Variants in PCDHGA2 observed in about 807,000 individuals in gnomAD.
PCDHGA2 encodes the protein protocadherin gamma-A2.
In PCDHGA2, 40 loss-of-function variants were observed where a neutral mutation model predicts 59.2. That is an observed-to-expected ratio of 0.68 (90% confidence interval 0.52 to 0.88). The LOEUF (loss-of-function observed/expected upper bound fraction) is 0.88, where lower values mean the gene tolerates loss of function less well. Ranked by LOEUF, PCDHGA2 falls within the 40% of genes least tolerant of loss-of-function variation. The pLI, the probability that PCDHGA2 is intolerant of heterozygous loss-of-function variation, is 0.00. For missense variants in PCDHGA2, 1,226 were observed against 1,204.0 expected (o/e 1.02, Z -0.27); for synonymous variants, 560 against 526.0 (o/e 1.06, Z -0.89).
At chr5:141,472,022 T>C (rs949257396) in intron 1 of PCDHGA2, among the ~76,000 whole-genome samples, 1 of 152,176 alleles carries the variant, frequency 6.6e-6, no homozygotes, top group Non-Finnish European at 1.5e-5. Flanking sequence ...CTATATTGTA[T>C]GTAGAAAGCT....
intron 1 of PCDHGA2, chr5:141,399,485 A>G (rs760899297): frequency 4.7e-5 from 76 of 1,613,904 alleles, no homozygotes; most frequent in Non-Finnish European, 6.1e-5. Context: ...CAGGCGTCCT[A>G]CTTAGTCAGT....
intron 1 of PCDHGA2, among the ~76,000 whole-genome samples, chr5:141,455,290 T>C (rs551962783): frequency 5.3e-5 from 8 of 152,206 alleles, no homozygotes; most frequent in East Asian, 1.9e-4. Flanking sequence ...TCACTTTACA[T>C]AGTTTCATCT....
At chr5:141,408,051 C>A in intron 1 of PCDHGA2, 3 of 1,264,368 alleles carry the variant, frequency 2.4e-6, no homozygotes, top group Non-Finnish European at 3.2e-6. Context: ...CCACACAGAG[C>A]CTCCCGGCTG....
rs147674746 is a variant in PCDHGA2, at chr5:141,477,348, C to G, written c.2425-17459C>G. 7 of 1,614,180 alleles carry G rather than the reference C, an allele frequency of 4.3e-6. No individual in the cohort carries two copies. Among genetic ancestry groups the G allele is most frequent in the Non-Finnish European group, 5.9e-6 (7 of 1,180,030 alleles). ...CTCAAGAATTACTTCACTTTGAAAA[C>G]CAGTGCAGACCTGGATCGGGAGACT... is the stretch of plus-strand genomic sequence containing the variant. On this transcript the variant is annotated intron_variant, in intron 1 of 3. Transcript: ENST00000394576. The surrounding 1 kb of genome is among the most constrained non-coding windows in gnomAD (Gnocchi z 4.9).
Position 141,340,351 on chromosome 5 carries a change from C to T in PCDHGA2, c.1380C>T (p.Tyr460=). The part of the protein sequence containing the change: ...PAFSRTSYST[Y]IPENNPRGAS... ...TCTCCCGCACATCCTACTCCACCTACATTCCCGAAAACAACCCCAGAGGAG... is the reference window on the plus strand; with the variant it reads ...TCTCCCGCACATCCTACTCCACCTATATTCCCGAAAACAACCCCAGAGGAG... The change falls in exon 1 of 4, where the codon TAC becomes TAT. Residue 460 remains tyrosine (Y), a synonymous_variant. Coordinates refer to ENST00000394576, the MANE Select transcript of PCDHGA2 (RefSeq NM_018915.4). 1.2e-6 allele frequency: 2 copies of T among 1,614,212 alleles called. No homozygotes were observed. The highest frequency in any genetic ancestry group is 1.1e-5 in the South Asian group (1 of 91,088).
intron 1 of PCDHGA2, chr5:141,419,381 A>T (rs1170271990): frequency 6.2e-7 from 1 of 1,613,544 alleles, no homozygotes; most frequent in Admixed American, 1.7e-5. Flanking sequence ...CGTGTCCGTG[A>T]GCGCGCAGAG....
intron 1 of PCDHGA2, chr5:141,362,632 T>A: frequency 1.3e-6 from 2 of 1,490,270 alleles, no homozygotes; most frequent in Non-Finnish European, 1.8e-6. Context: ...CCACTGCGTA[T>A]TTCTTTGTCT....
Position 141,491,103 on chromosome 5 carries a change from G to C in PCDHGA2, c.2425-3704G>C. 1 of 1,614,162 alleles carries C rather than the reference G, an allele frequency of 6.2e-7. No individual in the cohort carries two copies. Among genetic ancestry groups the C allele is most frequent in the South Asian group, 1.1e-5 (1 of 91,082 alleles). On this transcript the variant is annotated intron_variant, in intron 1 of 3. Transcript: ENST00000394576. The surrounding 1 kb of genome is among the most constrained non-coding windows in gnomAD (Gnocchi z 6.9). ...CCACAGCCCCAGGACTGTTCCTCGT[G>C]TCTACACACACTGGTGAGGTGCGCA... is the stretch of plus-strand genomic sequence containing the variant.
At chr5:141,414,945 C>G in intron 1 of PCDHGA2, 2 of 1,614,098 alleles carry the variant, frequency 1.2e-6, no homozygotes, top group Non-Finnish European at 8.5e-7. Flanking sequence ...AGCCCGGCTA[C>G]CTGGTGACCA....
At chr5:141,379,827 G>A (rs1217798060) in intron 1 of PCDHGA2, among the ~76,000 whole-genome samples, 3 of 142,646 alleles carry the variant, frequency 2.1e-5, no homozygotes, top group Non-Finnish European at 3.0e-5. Flanking sequence ...GAATTTTGAA[G>A]CATCAGGAAA....
intron 1 of PCDHGA2, chr5:141,343,793 C>G: frequency 2.3e-6 from 1 of 432,852 alleles, no homozygotes; most frequent in South Asian, 5.7e-5. Flanking sequence ...CGCTGTTGAC[C>G]ACTCAAGAAG....
chr5:141,470,748 A>C (rs1163686396), intron 1 of PCDHGA2, among the ~76,000 whole-genome samples: 1 of 152,106 alleles, frequency 6.6e-6, no homozygotes. Flanking sequence ...CCCTGGCTGG[A>C]GTGCAGTGGA....
chr5:141,499,921 C>A, intron 2 of PCDHGA2, among the ~76,000 whole-genome samples: 1 of 152,128 alleles, frequency 6.6e-6, no homozygotes, highest in Middle Eastern at 3.2e-3. Context: ...CTCCTGGCCT[C>A]AAGTGATCCA....
At chr5:141,389,766 C>A (rs1217222336) in intron 1 of PCDHGA2, 1 of 1,613,060 alleles carries the variant, frequency 6.2e-7, no homozygotes, top group East Asian at 2.2e-5. Flanking sequence ...GCGCACAGCG[C>A]GTGCCTTAGG....
At chr5:141,393,972 C>G in intron 1 of PCDHGA2, 1 of 1,613,790 alleles carries the variant, frequency 6.2e-7, no homozygotes, top group South Asian at 1.1e-5. Flanking sequence ...CTGTTACACA[C>G]GTGATAATTT....
At chr5:141,373,521 T>A (rs1217518860) in intron 1 of PCDHGA2, among the ~76,000 whole-genome samples, 1 of 152,192 alleles carries the variant, frequency 6.6e-6, no homozygotes, top group African/African-American at 2.4e-5. Context: ...AGACTTTGTC[T>A]CCAAAAAAGT....
chr5:141,410,153 C>G (rs200651346), intron 1 of PCDHGA2: 9 of 1,612,786 alleles, frequency 5.6e-6, no homozygotes. Context: ...TGACGGTGGA[C>G]AGCCGCCACT....
In PCDHGA2 at chr5:141,511,540, C is replaced by CTA; in HGVS notation, c.*367_*368insTA. ...ATCCCATGCCTCCCTCCTCCCCACC[C>CTA]CACTCCAACAGTTCCTCTTTCCCGA... On this transcript the variant is annotated 3_prime_UTR_variant, in exon 4 of 4. Transcript: ENST00000394576. 3.0e-6 allele frequency: 1 copy of CTA among 328,024 alleles called. No individual in the cohort carries two copies. Among genetic ancestry groups the CTA allele is most frequent in the South Asian group, 3.2e-5 (1 of 31,610 alleles). 20.3% of individuals were successfully genotyped at this position (328,024 alleles called of 1,614,324 possible). A position where few individuals can be genotyped will look rare whatever the true frequency, so the allele number is the denominator to read the frequency against.
chr5:141,354,903 T>C (rs561929111), intron 1 of PCDHGA2: 1 of 399,854 alleles, frequency 2.5e-6, no homozygotes, highest in Non-Finnish European at 4.4e-6. Flanking sequence ...GAAATAGGAA[T>C]AGAAAAGTGT....
Sources: gnomAD v4.1 joint callset for allele counts (sites outside exome capture counted in the v4.1 genomes callset) on GRCh38, gnomAD v4.1.1 for gene constraint, Gnocchi (gnomAD v3.1) non-coding constraint, MANE v1.5 for transcripts, NCBI Gene and HGNC (gene_info 2026-07-23, HGNC 2026-07-21) for gene names.